PHF2: variants seen among roughly 807,000 people sequenced by gnomAD.
PHF2 encodes lysine-specific demethylase PHF2.
In PHF2, 27 loss-of-function variants were observed where a neutral mutation model predicts 120.5. The observed-to-expected ratio is 0.22, with a 90% CI of 0.17 to 0.31. The LOEUF is 0.31. PHF2 is among the 10% of genes least tolerant of loss of function. The pLI is 1.00. For synonymous variants in PHF2, 568 were observed against 592.5 expected (o/e 0.96, Z 0.60); for missense variants, 1,024 against 1,434.8 (o/e 0.71, Z 4.63).
chr9:93,656,984 G>A lies in PHF2; in HGVS notation c.1147+389G>A, dbSNP rs1826473070. On this transcript the variant is annotated intron_variant, in intron 9 of 21. Transcript: ENST00000359246. This position sits in a 1 kb window ranked among gnomAD's most constrained non-coding sequence, Gnocchi z 4.1. ...TGCGAGTGGGCTCTGGGTCCCCTTA[G>A]GCTCCCTCAGGGGCCTGGCAACTGG... is the stretch of plus-strand genomic sequence containing the variant. 6.6e-6 allele frequency among the ~76,000 whole-genome samples: 1 copy of A among 152,060 alleles called. No individual in the cohort carries two copies. Among genetic ancestry groups the A allele is most frequent in the Admixed American group, 6.5e-5 (1 of 15,276 alleles).
chr9:93,666,144 G>A lies in PHF2; in HGVS notation c.2187+84G>A, dbSNP rs991210847. On this transcript the variant is annotated intron_variant, in intron 16 of 21. Coordinates refer to ENST00000359246, the MANE Select transcript of PHF2 (RefSeq NM_005392.4). ...GCCATGGTTTGAGTGACTCCAGGGC[G>A]GTCTCTGGGGGTGTTTCTGCATGAG... 20 of 1,384,480 alleles carry A rather than the reference G, an allele frequency of 1.4e-5. No homozygotes were observed. In the South Asian group the frequency reaches 1.7e-4, roughly 12 times the overall value. 85.8% of individuals were successfully genotyped at this position (1,384,480 alleles called of 1,614,324 possible). A position where few individuals can be genotyped will look rare whatever the true frequency, so the allele number is the denominator to read the frequency against.
At chr9:93,583,822 T>A (rs1862978789) in intron 1 of PHF2, among the ~76,000 whole-genome samples, 1 of 131,528 alleles carries the variant, frequency 7.6e-6, no homozygotes. Context: ...CTTTTTTTTC[T>A]TTTCTTTTTT....
Position 93,653,370 on chromosome 9 carries a change from G to A in PHF2, c.789+5G>A. 4 of 1,612,968 alleles carry A rather than the reference G, an allele frequency of 2.5e-6. No homozygotes were observed. The highest frequency in any genetic ancestry group is 3.4e-6 in the Non-Finnish European group (4 of 1,179,750). On this transcript the variant is annotated splice_donor_5th_base_variant and intron_variant, in intron 6 of 21. Coordinates refer to ENST00000359246, the MANE Select transcript of PHF2 (RefSeq NM_005392.4). ...GCCTGGTACCACGTGCTCAAGGTGA[G>A]CCACGCCCCTCGGGGCACCTCTGCC... is the stretch of plus-strand genomic sequence containing the variant.
intron 1 of PHF2, among the ~76,000 whole-genome samples, chr9:93,626,234 A>G (rs1825912538): frequency 1.3e-5 from 2 of 151,988 alleles, no homozygotes; most frequent in Non-Finnish European, 2.9e-5. Context: ...TGGGAGCAAG[A>G]CTCCATCTCA....
At chr9:93,594,872 A>T (rs1353900708) in intron 1 of PHF2, 1 of 153,756 alleles carries the variant, frequency 6.5e-6, no homozygotes, top group Admixed American at 6.5e-5. Context: ...TATTGGTTTT[A>T]ATGGCAGTTA....
chr9:93,584,431 G>C (rs1023448378), intron 1 of PHF2, among the ~76,000 whole-genome samples: 2 of 152,198 alleles, frequency 1.3e-5, no homozygotes, highest in African/African-American at 4.8e-5. Flanking sequence ...AATGATGGAA[G>C]GTAGGAGTCC....
chr9:93,617,230 T>C (rs532100430), intron 1 of PHF2, among the ~76,000 whole-genome samples: 1 of 152,278 alleles, frequency 6.6e-6, no homozygotes, highest in East Asian at 1.9e-4. Flanking sequence ...CATAGGAGGC[T>C]GCACCCTGTA....
At chr9:93,593,741 G>T (rs1376559055) in intron 1 of PHF2, among the ~76,000 whole-genome samples, 1 of 152,222 alleles carries the variant, frequency 6.6e-6, no homozygotes, top group African/African-American at 2.4e-5. Context: ...GATGTTTACA[G>T]CAAGGCTTTA....
intron 5 of PHF2, among the ~76,000 whole-genome samples, chr9:93,651,215 G>T (rs1320731082): frequency 6.6e-6 from 1 of 152,020 alleles, no homozygotes; most frequent in African/African-American, 2.4e-5. Context: ...TATTGCTTTG[G>T]TACCAAACAA....
At chr9:93,654,620 C>T in intron 7 of PHF2, 45 bp downstream of exon 7, 1 of 1,583,212 alleles carries the variant, frequency 6.3e-7, no homozygotes. Context: ...GGCTTGCCGG[C>T]CCTCATCAAG....
At chr9:93,589,151 A>G (rs1863123299) in intron 1 of PHF2, among the ~76,000 whole-genome samples, 1 of 152,170 alleles carries the variant, frequency 6.6e-6, no homozygotes, top group Non-Finnish European at 1.5e-5. Flanking sequence ...AGTTCCTTCT[A>G]CAAAGCAGCT....
rs118142359 is a variant in PHF2 at position 93,674,707 on chromosome 9, C to T, written c.2627-220C>T. The stretch of plus-strand genomic sequence containing the variant: ...CAGGTGCCTTCTTGTCTGGAGAGTC[C>T]CTGCCCCTCTGGATAATCTCTGGGG... On this transcript the variant is annotated intron_variant, in intron 18 of 21. Coordinates refer to ENST00000359246, the MANE Select transcript of PHF2 (RefSeq NM_005392.4). Among the ~76,000 whole-genome samples, 632 of 152,204 alleles carry T rather than the reference C, an allele frequency of 4.2e-3. 6 individuals are homozygous for T. The highest frequency in any genetic ancestry group is 0.011 in the South Asian group (55 of 4,818).
chr9:93,594,147 A>G (rs1442667567), intron 1 of PHF2, among the ~76,000 whole-genome samples: 1 of 151,550 alleles, frequency 6.6e-6, no homozygotes, highest in Non-Finnish European at 1.5e-5. Flanking sequence ...ACCCTTCCGG[A>G]GATATCTGCC....
chr9:93,623,203 C>G (rs1825853405), intron 1 of PHF2, among the ~76,000 whole-genome samples: 1 of 152,166 alleles, frequency 6.6e-6, no homozygotes, highest in African/African-American at 2.4e-5. Flanking sequence ...AATGTGGATT[C>G]TGGGTCTAAT....
At chr9:93,615,218 T>C (rs373291156) in intron 1 of PHF2, among the ~76,000 whole-genome samples, 3,429 of 150,896 alleles carry the variant, frequency 0.023, 78 homozygotes, top group Middle Eastern at 0.038. Context: ...ATGGTGATGG[T>C]GATAGTAATG....
intron 18 of PHF2, 89 bp downstream of exon 18, chr9:93,673,951 C>T: frequency 7.2e-7 from 1 of 1,385,354 alleles, no homozygotes; most frequent in Non-Finnish European, 9.7e-7. Context: ...ACATGCAGCT[C>T]TCCAAGTTAC....
intron 1 of PHF2, among the ~76,000 whole-genome samples, chr9:93,593,463 TGC>T (rs1426716799): frequency 6.6e-6 from 1 of 152,242 alleles, no homozygotes; most frequent in Non-Finnish European, 1.5e-5. Flanking sequence ...AGGAGATATT[TGC>T]TCTACATCTG....
chr9:93,635,240 G>C (rs891538928), intron 2 of PHF2, among the ~76,000 whole-genome samples: 2 of 151,916 alleles, frequency 1.3e-5, no homozygotes, highest in Non-Finnish European at 2.9e-5. Context: ...CTTCTCCTTC[G>C]TGTTGGTAGC....
rs534937214 is a variant in PHF2 at position 93,656,148 on chromosome 9, G to A, written c.1040+127G>A. On this transcript the variant is annotated intron_variant, in intron 8 of 21. Coordinates refer to ENST00000359246, the MANE Select transcript of PHF2 (RefSeq NM_005392.4). This position sits in a 1 kb window ranked among gnomAD's most constrained non-coding sequence, Gnocchi z 4.1. Reference sequence around the variant, plus strand: ...GCCTGTGGGTGGCCTGGACATGACCGTCAGCCTCGGTGGGCCTCTTTGTGA... The same window carrying A: ...GCCTGTGGGTGGCCTGGACATGACCATCAGCCTCGGTGGGCCTCTTTGTGA... 24 of 717,002 alleles carry A rather than the reference G, an allele frequency of 3.3e-5. No individual in the cohort carries two copies. The highest frequency in any genetic ancestry group is 2.6e-4 in the African/African-American group (15 of 57,278). The allele number at this position is 717,002 out of a possible 1,614,324, so 44.4% of individuals were successfully genotyped here.
Sources: gnomAD v4.1 joint callset for allele counts (sites outside exome capture counted in the v4.1 genomes callset) on GRCh38, gnomAD v4.1.1 for gene constraint, Gnocchi (gnomAD v3.1) non-coding constraint, MANE v1.5 for transcripts, NCBI Gene and HGNC (gene_info 2026-07-23, HGNC 2026-07-21) for gene names.